The following DNAAF5 variants were observed in gnomAD, a reference collection of about 807,000 sequenced individuals.
DNAAF5 encodes the protein dynein axonemal assembly factor 5.
A neutral mutation model predicts 75.8 loss-of-function variants in DNAAF5; 64 were observed. The observed-to-expected ratio is 0.84, with a 90% CI of 0.69 to 1.04. DNAAF5 has a LOEUF of 1.04. DNAAF5 is among the 50% of genes least tolerant of loss of function. The pLI is 0.00. For missense variants in DNAAF5, 1,269 were observed against 1,178.5 expected (o/e 1.08, Z -1.12); for synonymous variants, 657 against 557.2 (o/e 1.18, Z -2.52).
At chr7:731,307 A>T (rs1282783589) in intron 2 of DNAAF5, among the ~76,000 whole-genome samples, 1 of 152,236 alleles carries the variant, frequency 6.6e-6, no homozygotes, top group East Asian at 1.9e-4. Flanking sequence ...AAATACCGTC[A>T]CTGTCTAAAA....
Position 741,371 on chromosome 7 carries a change from G to A in DNAAF5, c.930G>A (p.Glu310=), listed in dbSNP as rs1262179813. ...GGCAGCTGGCTGCCAGCCTCTGGGA[G>A]GACGTTGGCCTGCAGTGGCAGAAGG... The part of the protein sequence containing the change: ...EVRQLAASLW[E]DVGLQWQKEN... The change falls in exon 4 of 13, where the codon GAG becomes GAA. Residue 310 remains glutamate, a synonymous_variant. Transcript: ENST00000297440. The A allele has an allele frequency of 1.3e-6, 2 of 1,588,120 alleles. No homozygotes were observed. The highest frequency in any genetic ancestry group is 1.7e-6 in the Non-Finnish European group (2 of 1,168,392).
chr7:726,717 C>T lies in DNAAF5; in HGVS notation c.-4C>T, dbSNP rs1781304731. The T allele has an allele frequency of 1.6e-6, 2 of 1,239,270 alleles. No homozygotes were observed. Among genetic ancestry groups the T allele is most frequent in the Admixed American group, 8.4e-5 (2 of 23,680 alleles). 76.8% of individuals were successfully genotyped at this position (1,239,270 alleles called of 1,614,324 possible). On this transcript the variant is annotated 5_prime_UTR_variant, in exon 1 of 13. Transcript: ENST00000297440. ...TCCCCTTAGTGACCGGCGACGCGGG[C>T]AAGATGGCGGCGCTGGGGGTGGCGG...
rs1232985631 is a variant in DNAAF5, at chr7:785,841, ATTTGT to A, written c.*190_*194del. ...CTGAGTGGATTCTGCATGTTATGTG[ATTTGT>A]TCTGTTCATCGAGAGGGCTCCCAAA... On this transcript the variant is annotated 3_prime_UTR_variant, in exon 13 of 13. Coordinates refer to ENST00000297440, the MANE Select transcript of DNAAF5 (RefSeq NM_017802.4). 1.6e-6 allele frequency: 1 copy of A among 634,986 alleles called. No individual in the cohort carries two copies. The highest frequency in any genetic ancestry group is 1.8e-5 in the African/African-American group (1 of 54,134). 39.3% of individuals were successfully genotyped at this position (634,986 alleles called of 1,614,324 possible). A position where few individuals can be genotyped will look rare whatever the true frequency, so the allele number is the denominator to read the frequency against.
At chr7:729,931 CT>C in intron 2 of DNAAF5, 84 bp downstream of exon 2, 1 of 1,361,856 alleles carries the variant, frequency 7.3e-7, no homozygotes, top group Non-Finnish European at 1.0e-6. Flanking sequence ...CTCACTTGTT[CT>C]TTTTTCAGAG....
intron 11 of DNAAF5, among the ~76,000 whole-genome samples, chr7:777,402 A>G (rs1165020973): frequency 6.6e-6 from 1 of 152,220 alleles, no homozygotes; most frequent in South Asian, 2.1e-4. Context: ...AAGATCCTCA[A>G]AAAGCTAAAA....
In DNAAF5 at chr7:768,718, C is replaced by T. The variant is rs74807338; in HGVS notation, c.1784-1753C>T. The T allele has an allele frequency of 4.2e-3, 709 of 167,136 alleles. 3 individuals carry two copies. Among genetic ancestry groups the T allele is most frequent in the African/African-American group, 0.016 (666 of 42,358 alleles). 10.4% of individuals were successfully genotyped at this position (167,136 alleles called of 1,614,324 possible). A position where few individuals can be genotyped will look rare whatever the true frequency, so the allele number is the denominator to read the frequency against. On this transcript the variant is annotated intron_variant, in intron 8 of 12. Transcript: ENST00000297440. ...TGGGAAGGCAGACACGTGGCCCAGG[C>T]GTCAGGTTTGAACATTCTTGACAGC...
intron 4 of DNAAF5, among the ~76,000 whole-genome samples, chr7:752,685 G>T (rs895352270): frequency 6.6e-6 from 1 of 151,136 alleles, no homozygotes; most frequent in Admixed American, 6.6e-5. Flanking sequence ...CCCTGGGTGC[G>T]TCCTCAAAAG....
intron 5 of DNAAF5, among the ~76,000 whole-genome samples, chr7:755,716 A>G (rs1583497153): frequency 6.6e-6 from 1 of 152,290 alleles, no homozygotes; most frequent in African/African-American, 2.4e-5. Flanking sequence ...GGGCGACGGA[A>G]TGAGACGCTG....
chr7:777,622 A>T (rs895260499), intron 11 of DNAAF5, among the ~76,000 whole-genome samples: 1 of 152,178 alleles, frequency 6.6e-6, no homozygotes, highest in Non-Finnish European at 1.5e-5. Flanking sequence ...GCTCTACTTA[A>T]TGTGATTATC....
At chr7:774,949 C>T (rs1778707849) in intron 10 of DNAAF5, 57 bp from the exon 11 acceptor site, 2 of 1,544,048 alleles carry the variant, frequency 1.3e-6, no homozygotes, top group Non-Finnish European at 1.8e-6. Flanking sequence ...ATGGTGAGCA[C>T]CCCCACCCCA....
Position 726,946 on chromosome 7 carries a change from C to G in DNAAF5, c.226C>G (p.Leu76Val). ...CGCTTTCCAGGGCCCCTGGGCGCGCCTACTGCTGCCGCGCTTGCTGCGCTG... is the reference window on the plus strand; with the variant it reads ...CGCTTTCCAGGGCCCCTGGGCGCGCGTACTGCTGCCGCGCTTGCTGCGCTG... ...PTAFQGPWARLLLPRLLRCLS... is the reference protein window; with the variant it reads ...PTAFQGPWARVLLPRLLRCLS... The change falls in exon 1 of 13, where the codon CTA becomes GTA. Residue 76 changes from leucine to valine, a missense_variant. By Grantham distance (32) the Leu-to-Val change is conservative. Coordinates refer to ENST00000297440, the MANE Select transcript of DNAAF5 (RefSeq NM_017802.4). 7.5e-7 allele frequency: 1 copy of G among 1,335,554 alleles called. No homozygotes were observed. Among genetic ancestry groups the G allele is most frequent in the African/African-American group, 1.5e-5 (1 of 64,922 alleles). 82.7% of individuals were successfully genotyped at this position (1,335,554 alleles called of 1,614,324 possible). A position where few individuals can be genotyped will look rare whatever the true frequency, so the allele number is the denominator to read the frequency against.
At chr7:776,535 C>T (rs531269472) in intron 11 of DNAAF5, among the ~76,000 whole-genome samples, 16 of 142,502 alleles carry the variant, frequency 1.1e-4, no homozygotes, top group African/African-American at 3.3e-4. Context: ...CAGGGTGGGG[C>T]GGCTGGAGCT....
chr7:784,646 C>T (rs528451362), intron 12 of DNAAF5, among the ~76,000 whole-genome samples: 2 of 152,318 alleles, frequency 1.3e-5, no homozygotes, highest in East Asian at 1.9e-4. Context: ...CCACTGCTTC[C>T]CGATGAACCC....
intron 7 of DNAAF5, 106 bp downstream of exon 7, chr7:762,002 C>CCCAGGCCTCAAACATGTCTGACA: frequency 8.7e-7 from 1 of 1,151,128 alleles, no homozygotes; most frequent in Non-Finnish European, 1.2e-6. Context: ...TGTGCTTGAC[C>CCCAGGCCTCAAACATGTCTGACA]AGCAAAGACC....
At chr7:757,049 C>T (rs1039564528) in intron 6 of DNAAF5, 55 bp downstream of exon 6, 6 of 1,495,610 alleles carry the variant, frequency 4.0e-6, no homozygotes, top group East Asian at 4.7e-5. Flanking sequence ...CCTGCCCGGC[C>T]GTCAGCCATC....
intron 4 of DNAAF5, among the ~76,000 whole-genome samples, chr7:751,806 T>G (rs751007312): frequency 3.3e-5 from 5 of 152,160 alleles, no homozygotes; most frequent in African/African-American, 4.8e-5. Flanking sequence ...ACTCCTGACC[T>G]CAGGTGACCC....
intron 4 of DNAAF5, among the ~76,000 whole-genome samples, chr7:751,863 C>T (rs1782306649): frequency 6.6e-6 from 1 of 152,152 alleles, no homozygotes; most frequent in Non-Finnish European, 1.5e-5. Flanking sequence ...CATGAGCCAC[C>T]GTGCCCGGCC....
chr7:785,283 C>T lies in DNAAF5; in HGVS notation c.2432-234C>T, dbSNP rs4236275. ...AGATTGTGAGTCGGGTCACTCGTATCCACATTGTGACTACTGTGTCCCCAT... is the reference window on the plus strand; with the variant it reads ...AGATTGTGAGTCGGGTCACTCGTATTCACATTGTGACTACTGTGTCCCCAT... On this transcript the variant is annotated intron_variant, in intron 12 of 12. Coordinates refer to ENST00000297440, the MANE Select transcript of DNAAF5 (RefSeq NM_017802.4). 6.3e-3 allele frequency among the ~76,000 whole-genome samples: 934 copies of T among 148,674 alleles called. 5 individuals are homozygous for T. The highest frequency in any genetic ancestry group is 0.01 in the Non-Finnish European group (688 of 66,898).
At chr7:728,960 A>T (rs965569654) in intron 1 of DNAAF5, among the ~76,000 whole-genome samples, 29 of 147,848 alleles carry the variant, frequency 2.0e-4, no homozygotes, top group Non-Finnish European at 3.9e-4. Flanking sequence ...CTGAGGCAAG[A>T]GGCGGCCTGG....
Sources: allele counts gnomAD v4.1 joint callset (sites outside exome capture counted in the v4.1 genomes callset), GRCh38; gene constraint gnomAD v4.1.1; transcripts MANE v1.5; gene names NCBI Gene and HGNC (gene_info 2026-07-23, HGNC 2026-07-21).